Variants in TRAPPC9 observed in about 807,000 individuals in gnomAD.
The protein encoded by TRAPPC9 is trafficking protein particle complex subunit 9, also known as IKK2 binding protein.
TRAPPC9 carries 83 observed loss-of-function variants against 124.0 expected under a neutral mutation model. The observed-to-expected ratio is 0.67, with a 90% CI of 0.56 to 0.80. The LOEUF (loss-of-function observed/expected upper bound fraction) is 0.80. Ranked by LOEUF, TRAPPC9 falls within the 30% of genes least tolerant of loss-of-function variation. The probability of loss-of-function intolerance (pLI) is 0.00; values close to 1 mark genes in which losing one functional copy is unlikely to be tolerated. For missense variants in TRAPPC9, 1,302 were observed against 1,508.3 expected, an observed-to-expected ratio of 0.86 and a Z score of 2.27; for synonymous variants, 638 against 617.5, an observed-to-expected ratio of 1.03 and a Z score of -0.49.
chr8:139,865,315 C>T (rs1002394292), intron 21 of TRAPPC9, among the ~76,000 whole-genome samples: 2 of 152,226 alleles, frequency 1.3e-5, no homozygotes, highest in African/African-American at 4.8e-5. Flanking sequence ...CGCCTGAGGA[C>T]TCCTTGAGGA....
rs188234251 is a variant in TRAPPC9 at position 140,094,376 on chromosome 8, C to T, written c.2557-70297G>A. Among the ~76,000 whole-genome samples, 17 of 152,280 alleles carry T rather than the reference C, an allele frequency of 1.1e-4. No homozygotes were observed. In the East Asian group the frequency reaches 1.7e-3, roughly 16 times the overall value. On this transcript the variant is annotated intron_variant, in intron 17 of 22. Coordinates refer to ENST00000438773, the MANE Select transcript of TRAPPC9 (RefSeq NM_001160372.4). ...CTGTGGGTGTGGCAGCGTAGGCAGG[C>T]GCAGATCGGGCTGGCTCCGAGAGCC...
At chr8:140,419,656 CAA>C (rs2070124941) in intron 5 of TRAPPC9, among the ~76,000 whole-genome samples, 1 of 151,600 alleles carries the variant, frequency 6.6e-6, no homozygotes, top group Admixed American at 6.6e-5. Flanking sequence ...GAGGCCGAGG[CAA>C]GGAGATCACG....
intron 17 of TRAPPC9, among the ~76,000 whole-genome samples, chr8:140,187,242 A>T (rs1407327892): frequency 1.3e-5 from 2 of 152,192 alleles, no homozygotes; most frequent in African/African-American, 4.8e-5. Flanking sequence ...TGTCATATAC[A>T]CAGGTTCTGC....
At chr8:139,906,583 G>A (rs766826565) in intron 20 of TRAPPC9, among the ~76,000 whole-genome samples, 60 of 152,184 alleles carry the variant, frequency 3.9e-4, no homozygotes, top group Non-Finnish European at 7.1e-4. Context: ...GGGGAAGAGA[G>A]GATTGGGAAG....
At chr8:140,244,441 C>T (rs1455611188) in intron 16 of TRAPPC9, among the ~76,000 whole-genome samples, 1 of 152,122 alleles carries the variant, frequency 6.6e-6, no homozygotes, top group African/African-American at 2.4e-5. Context: ...ATTTCTCTTA[C>T]AAAACCAAAA....
At chr8:140,297,798 C>CA (rs2065854265) in intron 11 of TRAPPC9, among the ~76,000 whole-genome samples, 1 of 152,234 alleles carries the variant, frequency 6.6e-6, no homozygotes, top group Admixed American at 6.5e-5. Context: ...AGCGTTTATT[C>CA]ACATTTAGTC....
At chr8:139,969,186 A>C (rs1835904310) in intron 19 of TRAPPC9, among the ~76,000 whole-genome samples, 2 of 152,252 alleles carry the variant, frequency 1.3e-5, no homozygotes, top group Non-Finnish European at 2.9e-5. Context: ...TCTTATGTTC[A>C]AGATCCAGTG....
At chr8:139,840,702 C>T (rs534563265) in intron 21 of TRAPPC9, among the ~76,000 whole-genome samples, 1 of 152,274 alleles carries the variant, frequency 6.6e-6, no homozygotes, top group South Asian at 2.1e-4. Flanking sequence ...GTGGCACAGT[C>T]CACACTCTCA....
chr8:140,250,190 T>C (rs2064098727), intron 16 of TRAPPC9, among the ~76,000 whole-genome samples: 1 of 152,188 alleles, frequency 6.6e-6, no homozygotes, highest in Non-Finnish European at 1.5e-5. Flanking sequence ...ATTTACTTTA[T>C]AGAGTTTTTA....
intron 21 of TRAPPC9, among the ~76,000 whole-genome samples, chr8:139,840,304 G>A (rs142138864): frequency 9.3e-4 from 142 of 152,322 alleles, no homozygotes; most frequent in Admixed American, 1.5e-3. Flanking sequence ...AACTTCTGCC[G>A]CTTTCATGTC....
At chr8:140,403,604 GTTAA>G (rs1430968635) in intron 6 of TRAPPC9, among the ~76,000 whole-genome samples, 1 of 151,664 alleles carries the variant, frequency 6.6e-6, no homozygotes, top group Admixed American at 6.6e-5. Flanking sequence ...GGAGTAAATT[GTTAA>G]TAACCTTTTT....
intron 15 of TRAPPC9, among the ~76,000 whole-genome samples, chr8:140,270,457 G>A (rs542879266): frequency 1.3e-5 from 2 of 152,316 alleles, no homozygotes; most frequent in South Asian, 2.1e-4. Context: ...ACTCGGTACT[G>A]AGCACCTGCT....
intron 3 of TRAPPC9, among the ~76,000 whole-genome samples, chr8:140,437,987 C>G (rs1321227609): frequency 1.3e-5 from 2 of 152,188 alleles, no homozygotes; most frequent in Non-Finnish European, 2.9e-5. Flanking sequence ...TCTTCCCTTT[C>G]TTTTAATTTT....
intron 9 of TRAPPC9, among the ~76,000 whole-genome samples, chr8:140,348,387 A>T (rs953159913): frequency 6.6e-6 from 1 of 152,214 alleles, no homozygotes; most frequent in African/African-American, 2.4e-5. Context: ...AAGAAAACGC[A>T]AATTAGAAGA....
At chr8:140,406,969 T>TC (rs547623026) in intron 5 of TRAPPC9, among the ~76,000 whole-genome samples, 215 of 152,224 alleles carry the variant, frequency 1.4e-3, no homozygotes, top group Non-Finnish European at 2.7e-3. Context: ...GAGAACTCCA[T>TC]CCCCCAGGTA....
chr8:139,835,242 C>T (rs1347910258), intron 21 of TRAPPC9, among the ~76,000 whole-genome samples: 1 of 152,252 alleles, frequency 6.6e-6, no homozygotes, highest in East Asian at 1.9e-4. Context: ...GCTCCTCTGA[C>T]CTCCTCACCC....
intron 21 of TRAPPC9, among the ~76,000 whole-genome samples, chr8:139,863,080 A>C (rs1307480814): frequency 6.6e-6 from 1 of 152,260 alleles, no homozygotes; most frequent in Non-Finnish European, 1.5e-5. Context: ...GACTACTGAC[A>C]AAAGCTCATT....
chr8:139,963,710 C>T lies in TRAPPC9; in HGVS notation c.2810+25016G>A, dbSNP rs560616546. Among the ~76,000 whole-genome samples, 13 of 129,850 alleles carry T rather than the reference C, an allele frequency of 1.0e-4. No individual in the cohort carries two copies. In the South Asian group the frequency reaches 3.3e-3, roughly 33 times the overall value. 85.2% of individuals were successfully genotyped at this position (129,850 alleles called of 152,430 possible). ...ATGTAACACAGGACCTAAAGGGCGT[C>T]GGAACCAGTGAGGGATTCCCTCCGA... is the stretch of plus-strand genomic sequence containing the variant. On this transcript the variant is annotated intron_variant, in intron 19 of 22. Transcript: ENST00000438773.
chr8:139,835,811 C>T (rs1310593713), intron 21 of TRAPPC9, among the ~76,000 whole-genome samples: 5 of 151,886 alleles, frequency 3.3e-5, no homozygotes, highest in Non-Finnish European at 5.9e-5. Context: ...CCACAGAATC[C>T]GTTACAAAAA....
Sources: allele counts gnomAD v4.1 joint callset (sites outside exome capture counted in the v4.1 genomes callset), GRCh38; gene constraint gnomAD v4.1.1; transcripts MANE v1.5; gene names NCBI Gene and HGNC (gene_info 2026-07-23, HGNC 2026-07-21).